The following TSPEAR variants were observed in gnomAD, a reference collection of about 807,000 sequenced individuals.
The protein encoded by TSPEAR is thrombospondin type laminin G domain and EAR repeats.
TSPEAR carries 69 observed loss-of-function variants against 71.6 expected under a neutral mutation model. The observed-to-expected ratio is 0.96, with a 90% CI of 0.79 to 1.18. The LOEUF is 1.18. Among genes scored for constraint, TSPEAR ranks in the 50% most tolerant of loss-of-function variants. TSPEAR has a pLI of 0.00. For synonymous variants in TSPEAR, 402 were observed against 387.2 expected (o/e 1.04, Z -0.45); for missense variants, 971 against 894.9 (o/e 1.09, Z -1.09).
intron 1 of TSPEAR, among the ~76,000 whole-genome samples, chr21:44,585,504 A>G (rs461815): frequency 0.95 from 144,047 of 152,240 alleles, 68,289 homozygotes; most frequent in Non-Finnish European, 0.97. Flanking sequence ...GTGATCCCAG[A>G]ATCACAGACC....
At chr21:44,603,659 C>T (rs192605781) in intron 1 of TSPEAR, among the ~76,000 whole-genome samples, 17 of 152,276 alleles carry the variant, frequency 1.1e-4, no homozygotes, top group African/African-American at 4.1e-4. Context: ...AGAGGAAGGG[C>T]GTGCCAGGGT....
intron 2 of TSPEAR, chr21:44,539,195 G>A: frequency 6.7e-7 from 1 of 1,502,890 alleles, no homozygotes. Context: ...GAGACACGGG[G>A]ACCCGTCCTA....
intron 1 of TSPEAR, chr21:44,627,381 C>T (rs782712479): frequency 6.2e-7 from 1 of 1,613,876 alleles, no homozygotes; most frequent in Admixed American, 1.7e-5. Flanking sequence ...GCCAATCAGG[C>T]TGCACCAGCT....
chr21:44,618,084 G>A (rs1982222922), intron 1 of TSPEAR, among the ~76,000 whole-genome samples: 1 of 152,198 alleles, frequency 6.6e-6, no homozygotes, highest in Admixed American at 6.5e-5. Flanking sequence ...AGATATGGTT[G>A]GACTTTTTGT....
In TSPEAR at chr21:44,573,772, C is replaced by G. The variant is rs782501348; in HGVS notation, c.83-5767G>C. 59 of 1,613,770 alleles carry G rather than the reference C, an allele frequency of 3.7e-5. 1 individual carries two copies. In the South Asian group the frequency reaches 6.4e-4, roughly 17 times the overall value. On this transcript the variant is annotated intron_variant, in intron 1 of 11. Transcript: ENST00000323084. ...GCAGCATCCACCATGTCCGTCTGCT[C>G]CAGCGACCTGAGCTACAGCAGCCGC...
At chr21:44,598,281 A>G (rs1185001363) in intron 1 of TSPEAR, among the ~76,000 whole-genome samples, 7 of 152,306 alleles carry the variant, frequency 4.6e-5, no homozygotes, top group Non-Finnish European at 7.3e-5. Flanking sequence ...TGTTTAGCCA[A>G]TCGGGTCTAG....
At chr21:44,559,244 C>T (rs1265338943) in intron 2 of TSPEAR, among the ~76,000 whole-genome samples, 1 of 151,814 alleles carries the variant, frequency 6.6e-6, no homozygotes, top group African/African-American at 2.4e-5. Context: ...GGCCTGGCCA[C>T]ACGGCGAGAT....
At chr21:44,585,783 G>T (rs1601448195) in intron 1 of TSPEAR, among the ~76,000 whole-genome samples, 1 of 152,234 alleles carries the variant, frequency 6.6e-6, no homozygotes, top group Non-Finnish European at 1.5e-5. Context: ...CGGCCTCTTT[G>T]TTTCATGCAT....
chr21:44,511,904 C>A (rs1318591553), intron 9 of TSPEAR, among the ~76,000 whole-genome samples: 1 of 152,274 alleles, frequency 6.6e-6, no homozygotes, highest in African/African-American at 2.4e-5. Flanking sequence ...CTGAGCCGGG[C>A]ATCACATCTC....
chr21:44,615,936 A>C (rs1259377460), intron 1 of TSPEAR, among the ~76,000 whole-genome samples: 5 of 152,210 alleles, frequency 3.3e-5, no homozygotes, highest in African/African-American at 1.2e-4. Context: ...CCATGAGACA[A>C]CTACTTCAGG....
intron 1 of TSPEAR, among the ~76,000 whole-genome samples, chr21:44,703,754 A>G (rs1183511462): frequency 6.6e-6 from 1 of 152,158 alleles, no homozygotes; most frequent in African/African-American, 2.4e-5. Flanking sequence ...CTGGGGCCCA[A>G]GCTGGCCACT....
In TSPEAR at chr21:44,499,920, C is replaced by T. The variant is rs782187550; in HGVS notation, c.1873G>A (p.Gly625Ser). 2.0e-5 allele frequency: 32 copies of T among 1,606,838 alleles called. No individual in the cohort carries two copies. Among genetic ancestry groups the T allele is most frequent in the Non-Finnish European group, 2.7e-5 (32 of 1,177,876 alleles). Residue 625 changes from glycine (G) to serine (S), a missense_variant, in exon 12 of 12, where the codon GGC becomes AGC. Transcript: ENST00000323084. ...GGGAGGCTGTGCACCGCCACGAAGC[C>T]CTCGTAGCCCTGCCACCTGCGGAAC... Reference protein sequence around the residue: ...SIIYRWQGYEGFVAVHSLPTV... With the variant: ...SIIYRWQGYESFVAVHSLPTV...
At chr21:44,545,405 A>G (rs1303693200) in intron 2 of TSPEAR, among the ~76,000 whole-genome samples, 2 of 152,168 alleles carry the variant, frequency 1.3e-5, no homozygotes, top group African/African-American at 4.8e-5. Context: ...AGAACCCCCT[A>G]AACAGGTCTA....
chr21:44,613,081 G>A (rs1981829861), intron 1 of TSPEAR: 1 of 752,296 alleles, frequency 1.3e-6, no homozygotes, highest in Non-Finnish European at 2.1e-6. Context: ...TCCAGCAGGT[G>A]CCCACCTGCC....
intron 11 of TSPEAR, among the ~76,000 whole-genome samples, chr21:44,504,124 A>G (rs1198472992): frequency 8.4e-4 from 109 of 129,382 alleles, no homozygotes; most frequent in East Asian, 2.8e-3. Flanking sequence ...TCTGGGAGGA[A>G]GCCGGCCTCA....
rs1463931192 is a variant in TSPEAR, at chr21:44,626,225, TC to T, written c.83-58221del. Among the ~76,000 whole-genome samples the T allele has an allele frequency of 9.2e-5, 14 of 152,224 alleles. 1 individual carries two copies. Among genetic ancestry groups the T allele is most frequent in the Non-Finnish European group, 8.8e-5 (6 of 68,038 alleles). On this transcript the variant is annotated intron_variant, in intron 1 of 11. Coordinates refer to ENST00000323084, the MANE Select transcript of TSPEAR (RefSeq NM_144991.3). ...ATAATTAGCTGCTGGGTAGCAATGT[TC>T]CTGGAAAGTGATCAGGGCCATTTTA...
chr21:44,510,426 C>T lies in TSPEAR; in HGVS notation c.1567-1040G>A, dbSNP rs1231074849. On this transcript the variant is annotated intron_variant, in intron 9 of 11. Coordinates refer to ENST00000323084, the MANE Select transcript of TSPEAR (RefSeq NM_144991.3). The stretch of plus-strand genomic sequence containing the variant: ...TGAGAGCCTCCCGTGACAGCAACCA[C>T]TGGGACGTTTTCTATTTGCCCAAAT... Among the ~76,000 whole-genome samples, 4 of 152,246 alleles carry T rather than the reference C, an allele frequency of 2.6e-5. No individual in the cohort carries two copies. The East Asian group carries it at 7.7e-4, about 29-fold the overall frequency.
At chr21:44,701,413 G>A (rs1987641680) in intron 1 of TSPEAR, among the ~76,000 whole-genome samples, 1 of 152,186 alleles carries the variant, frequency 6.6e-6, no homozygotes, top group Non-Finnish European at 1.5e-5. Context: ...CTGGGGAGGG[G>A]GATGGTTTGG....
Position 44,666,801 on chromosome 21 carries a change from G to T in TSPEAR, c.82+44632C>A, listed in dbSNP as rs7275281. 1.2e-4 allele frequency: 190 copies of T among 1,613,362 alleles called. 1 individual carries two copies. Among genetic ancestry groups the T allele is most frequent in the South Asian group, 4.6e-4 (42 of 91,076 alleles). On this transcript the variant is annotated intron_variant, in intron 1 of 11. Coordinates refer to ENST00000323084, the MANE Select transcript of TSPEAR (RefSeq NM_144991.3). ...AGGCACACAGCAGGATGCCTGGCAG[G>T]AGCTGGGCACACAACAGGCTGGCTG...
Sources: allele counts gnomAD v4.1 joint callset (sites outside exome capture counted in the v4.1 genomes callset), GRCh38; gene constraint gnomAD v4.1.1; transcripts MANE v1.5; gene names NCBI Gene and HGNC (gene_info 2026-07-23, HGNC 2026-07-21).